Variants in SMOC1 observed in about 807,000 individuals in gnomAD.
The protein encoded by SMOC1 is SPARC related modular calcium binding 1, also known as SPARC-related modular calcium-binding protein 1.
Under a neutral mutation model 56.3 loss-of-function variants are expected in SMOC1, and 22 were observed. The observed-to-expected ratio is 0.39, with a 90% confidence interval of 0.28 to 0.56. The LOEUF is 0.56. Ranked by LOEUF, SMOC1 falls within the 20% of genes least tolerant of loss-of-function variation. The pLI is 0.61. For missense variants in SMOC1, 509 were observed against 565.4 expected, an observed-to-expected ratio of 0.90 and a Z score of 1.01; for synonymous variants, 193 against 215.0, an observed-to-expected ratio of 0.90 and a Z score of 0.89.
At chr14:70,020,078 A>T (rs1885654109) in intron 10 of SMOC1, among the ~76,000 whole-genome samples, 1 of 152,074 alleles carries the variant, frequency 6.6e-6, no homozygotes, top group Non-Finnish European at 1.5e-5. Context: ...CATCATGCTT[A>T]AATATTCTTC....
At chr14:69,973,240 C>T (rs10136272) in intron 3 of SMOC1, among the ~76,000 whole-genome samples, 19,925 of 152,252 alleles carry the variant, frequency 0.13, 2,924 homozygotes, top group African/African-American at 0.36. Context: ...CTGGAAAAGG[C>T]CAGCTTGCCA....
chr14:70,027,966 T>C (rs2139627810), intron 11 of SMOC1, among the ~76,000 whole-genome samples: 1 of 152,222 alleles, frequency 6.6e-6, no homozygotes, highest in South Asian at 2.1e-4. Flanking sequence ...AGCCTATGCG[T>C]CGGTCATCCA....
chr14:70,030,335 C>A lies in SMOC1; in HGVS notation c.*77C>A. On this transcript the variant is annotated 3_prime_UTR_variant, in exon 12 of 12. Transcript: ENST00000361956. ...ACCAGACACCTAACCTTCAGCGTTG[C>A]CCATGGCCCTGCCACATCCCGTGTA... 1 of 1,574,032 alleles carries A rather than the reference C, an allele frequency of 6.4e-7. No individual in the cohort carries two copies. Among genetic ancestry groups the A allele is most frequent in the Non-Finnish European group, 8.7e-7 (1 of 1,150,190 alleles).
intron 3 of SMOC1, among the ~76,000 whole-genome samples, chr14:69,960,328 T>C (rs1037629155): frequency 1.1e-4 from 16 of 152,136 alleles, no homozygotes; most frequent in Non-Finnish European, 2.2e-4. Context: ...AGACCTGGGG[T>C]GCATCTGTGA....
At chr14:69,945,947 G>A (rs1366396180) in intron 1 of SMOC1, among the ~76,000 whole-genome samples, 1 of 152,208 alleles carries the variant, frequency 6.6e-6, no homozygotes, top group African/African-American at 2.4e-5. Flanking sequence ...TTAGATTTTA[G>A]ATATTGGTTA....
At chr14:69,916,193 C>T (rs115520418) in intron 1 of SMOC1, among the ~76,000 whole-genome samples, 1,666 of 152,268 alleles carry the variant, frequency 0.011, 28 homozygotes, top group African/African-American at 0.038. Context: ...AGAGGTGCGA[C>T]GAAACCTTCA....
chr14:69,953,789 C>T (rs1424614849), intron 3 of SMOC1, among the ~76,000 whole-genome samples: 1 of 152,196 alleles, frequency 6.6e-6, no homozygotes, highest in Non-Finnish European at 1.5e-5. Context: ...TGGTCCCCAT[C>T]CTCCCTGCCG....
At chr14:69,945,573 T>C (rs1465532952) in intron 1 of SMOC1, among the ~76,000 whole-genome samples, 1 of 152,200 alleles carries the variant, frequency 6.6e-6, no homozygotes, top group African/African-American at 2.4e-5. Flanking sequence ...AAGAACCTCC[T>C]AGCTGAGCCC....
intron 1 of SMOC1, among the ~76,000 whole-genome samples, chr14:69,883,363 A>G (rs1216254346): frequency 4.6e-5 from 7 of 152,132 alleles, no homozygotes; most frequent in African/African-American, 1.7e-4. Flanking sequence ...TAGATTCCAC[A>G]TATGAGTGAG....
At chr14:69,966,964 A>T (rs1163916076) in intron 3 of SMOC1, among the ~76,000 whole-genome samples, 1 of 152,078 alleles carries the variant, frequency 6.6e-6, no homozygotes, top group Non-Finnish European at 1.5e-5. Context: ...CCTTCTTCTG[A>T]GTCTAATTTG....
intron 1 of SMOC1, among the ~76,000 whole-genome samples, chr14:69,896,717 G>T (rs538784690): frequency 2.6e-5 from 4 of 152,298 alleles, no homozygotes; most frequent in Non-Finnish European, 5.9e-5. Context: ...AGGTCAGGAG[G>T]ATCCTTTTAA....
intron 1 of SMOC1, among the ~76,000 whole-genome samples, chr14:69,890,313 T>C (rs1018627739): frequency 6.6e-6 from 1 of 152,204 alleles, no homozygotes; most frequent in Non-Finnish European, 1.5e-5. Flanking sequence ...CTTATAAAGA[T>C]ATATTGGATA....
chr14:70,016,849 C>T (rs904049887), intron 10 of SMOC1, among the ~76,000 whole-genome samples: 1 of 152,190 alleles, frequency 6.6e-6, no homozygotes, highest in Non-Finnish European at 1.5e-5. Flanking sequence ...TAAATGTCAC[C>T]TTCTCAAGTA....
At chr14:70,012,265 TCAC>T (rs1424946421) in intron 9 of SMOC1, among the ~76,000 whole-genome samples, 1 of 152,176 alleles carries the variant, frequency 6.6e-6, no homozygotes, top group African/African-American at 2.4e-5. Context: ...TTTGTAGAAA[TCAC>T]CCCATCACAA....
intron 1 of SMOC1, among the ~76,000 whole-genome samples, chr14:69,934,425 C>T (rs1345313458): frequency 6.6e-6 from 1 of 152,122 alleles, no homozygotes; most frequent in Non-Finnish European, 1.5e-5. Context: ...TTTTGTCCCT[C>T]ATATTTTCGT....
chr14:69,887,149 A>G (rs1348157110), intron 1 of SMOC1, among the ~76,000 whole-genome samples: 1 of 152,232 alleles, frequency 6.6e-6, no homozygotes, highest in South Asian at 2.1e-4. Flanking sequence ...AGCCAAAACA[A>G]GTGAACAACA....
At chr14:69,913,381 C>T (rs1490679360) in intron 1 of SMOC1, among the ~76,000 whole-genome samples, 2 of 152,058 alleles carry the variant, frequency 1.3e-5, no homozygotes, top group Non-Finnish European at 1.5e-5. Flanking sequence ...TTTCAGGGAA[C>T]CTTAGCATTA....
At chr14:69,921,421 G>T (rs1409433604) in intron 1 of SMOC1, among the ~76,000 whole-genome samples, 1 of 152,192 alleles carries the variant, frequency 6.6e-6, no homozygotes, top group Non-Finnish European at 1.5e-5. Context: ...CTATAAAATT[G>T]AATGTTGAGT....
chr14:70,023,300 C>T lies in SMOC1; in HGVS notation c.1144C>T (p.Arg382Trp), dbSNP rs150129854. 3.6e-5 allele frequency: 58 copies of T among 1,613,990 alleles called. No individual in the cohort carries two copies. The highest frequency in any genetic ancestry group is 5.3e-5 in the African/African-American group (4 of 74,902). Residue 382 changes from arginine to tryptophan, a missense_variant, in exon 11 of 12, where the codon CGG (arginine) becomes TGG (tryptophan). Transcript: ENST00000361956. ...CAATAGCAGCAACGACATTAACAAG[C>T]GGGAGATGAAGCCCTTCAAGCGCTA... ...DSNSSNDINK[R>W]EMKPFKRYVK...
Sources: gnomAD v4.1 joint callset for allele counts (sites outside exome capture counted in the v4.1 genomes callset) on GRCh38, gnomAD v4.1.1 for gene constraint, MANE v1.5 for transcripts, NCBI Gene and HGNC (gene_info 2026-07-23, HGNC 2026-07-21) for gene names.